The following HMCN1 variants were observed in gnomAD, a reference collection of about 807,000 sequenced individuals.
HMCN1 encodes the protein hemicentin-1.
In HMCN1, 321 loss-of-function variants were observed where a neutral mutation model predicts 625.9. The ratio of observed to expected loss-of-function variants is 0.51; its 90% CI spans 0.47 to 0.56. The LOEUF (loss-of-function observed/expected upper bound fraction) is 0.56, where lower values mean the gene tolerates loss of function less well. HMCN1 is among the 20% of genes least tolerant of loss of function. The pLI, the probability that HMCN1 is intolerant of heterozygous loss-of-function variation, is 0.00. For synonymous variants in HMCN1, 2,425 were observed against 2,417.6 expected (o/e 1.00, Z -0.09); for missense variants, 6,588 against 6,887.3 (o/e 0.96, Z 1.54).
chr1:186,070,093 C>G (rs966636166), intron 51 of HMCN1, among the ~76,000 whole-genome samples: 3 of 152,154 alleles, frequency 2.0e-5, no homozygotes, highest in Admixed American at 6.5e-5. Context: ...ACAAAACTGT[C>G]GTTAGATGCA....
rs1460710221 is a variant in HMCN1, at chr1:186,001,351, A to G, written c.4123A>G (p.Asn1375Asp). The change falls in exon 27 of 107, where the codon AAT becomes GAT. Residue 1375 changes from asparagine to aspartate, a missense_variant. Physicochemically the swap from Asn to Asp is conservative, Grantham distance 23. Transcript: ENST00000271588. ...EQVTNVSVLLNQLTNLFCEVE... is the reference protein window; with the variant it reads ...EQVTNVSVLLDQLTNLFCEVE... ...AGTTACAAATGTGTCGGTGTTGTTAAATCAGCTGACCAATCTCTTCTGTGA... is the reference window on the plus strand; with the variant it reads ...AGTTACAAATGTGTCGGTGTTGTTAGATCAGCTGACCAATCTCTTCTGTGA... 1 of 1,612,078 alleles carries G rather than the reference A, an allele frequency of 6.2e-7. No individual in the cohort carries two copies.
In HMCN1 at chr1:186,019,491, C is replaced by T. The variant is rs74134286; in HGVS notation, c.5471-50C>T. ...GTTCTTGCATACATATTTTTAAGTT[C>T]GACCTCACTGATTATGGTTTCATTC... On this transcript the variant is annotated intron_variant, in intron 34 of 106. Coordinates refer to ENST00000271588, the MANE Select transcript of HMCN1 (RefSeq NM_031935.3). 5.1e-3 allele frequency: 7,119 copies of T among 1,390,822 alleles called. 254 individuals carry two copies. The African/African-American group carries it at 0.086, about 17-fold the overall frequency. 86.2% of individuals were successfully genotyped at this position (1,390,822 alleles called of 1,614,324 possible). A position where few individuals can be genotyped will look rare whatever the true frequency, so the allele number is the denominator to read the frequency against.
At chr1:185,891,885 G>A (rs1468331365) in intron 4 of HMCN1, among the ~76,000 whole-genome samples, 2 of 147,782 alleles carry the variant, frequency 1.4e-5, no homozygotes, top group Non-Finnish European at 2.9e-5. Flanking sequence ...AAATTCTCCA[G>A]GATAATACCC....
At chr1:186,078,422 TAAATG>T in intron 55 of HMCN1, among the ~76,000 whole-genome samples, 1 of 152,228 alleles carries the variant, frequency 6.6e-6, no homozygotes, top group African/African-American at 2.4e-5. Flanking sequence ...CAAACTGACT[TAAATG>T]AAAACAAACA....
At chr1:186,151,379 A>AAACTT in intron 94 of HMCN1, 30 bp downstream of exon 94, 1 of 1,591,240 alleles carries the variant, frequency 6.3e-7, no homozygotes. Context: ...CTCTTTTTAA[A>AAACTT]AACTTATATA....
In HMCN1 at chr1:186,087,556, A is replaced by C; in HGVS notation, c.9274A>C (p.Thr3092Pro). The C allele has an allele frequency of 6.2e-7, 1 of 1,613,272 alleles. No homozygotes were observed. Among genetic ancestry groups the C allele is most frequent in the South Asian group, 1.1e-5 (1 of 91,072 alleles). The change falls in exon 60 of 107, where the codon ACT (threonine) becomes CCT (proline). Residue 3092 changes from threonine to proline, a missense_variant. Around this residue, in one of 3 missense-constraint regions of HMCN1, gnomAD observed 4,628 missense variants for 4,853.1 expected, o/e 0.95. Transcript: ENST00000271588. ...ESNAVPPPVITWYKNGRMITE... is the reference protein window; with the variant it reads ...ESNAVPPPVIPWYKNGRMITE... ...GAACGCTGTGCCACCTCCAGTCATC[A>C]CTTGGTATAAGAATGGGCGGATGAT...
chr1:186,152,324 T>C (rs1238629980), intron 95 of HMCN1, among the ~76,000 whole-genome samples: 1 of 152,186 alleles, frequency 6.6e-6, no homozygotes, highest in African/African-American at 2.4e-5. Flanking sequence ...TTATCTTTAA[T>C]CAACATTTAA....
chr1:185,917,332 T>C (rs1666765478), intron 6 of HMCN1, among the ~76,000 whole-genome samples: 2 of 152,182 alleles, frequency 1.3e-5, no homozygotes, highest in Non-Finnish European at 2.9e-5. Context: ...AGAAATTATG[T>C]TATTCTAAAA....
At position 186,171,430 on chromosome 1, in the gene HMCN1, T is replaced by C. The variant is rs1343867140; in HGVS notation, c.15668T>C (p.Leu5223Pro). The change falls in exon 101 of 107, where the codon CTC becomes CCC. Residue 5223 changes from leucine (L) to proline (P), a missense_variant. Coordinates refer to ENST00000271588, the MANE Select transcript of HMCN1 (RefSeq NM_031935.3). ...TGTGGATGTGAACCTGGGTATCAGC[T>C]CAAAGGCAGAAAATGCATGGGTAAG... ...FHCGCEPGYQ[L>P]KGRKCMDVNE... The C allele has an allele frequency of 6.2e-7, 1 of 1,612,978 alleles. No individual in the cohort carries two copies. The highest frequency in any genetic ancestry group is 1.7e-5 in the Admixed American group (1 of 59,988).
chr1:185,762,977 G>A (rs377716432), intron 1 of HMCN1, among the ~76,000 whole-genome samples: 6 of 151,878 alleles, frequency 4.0e-5, no homozygotes, highest in Admixed American at 2.0e-4. Flanking sequence ...CTTTATACTC[G>A]CAGCTATCAT....
rs953817214 is a variant in HMCN1, at chr1:186,123,060, T to G, written c.12339T>G (p.His4113Gln). The G allele has an allele frequency of 1.2e-6, 2 of 1,614,132 alleles. No individual in the cohort carries two copies. The highest frequency in any genetic ancestry group is 8.5e-7 in the Non-Finnish European group (1 of 1,179,994). Residue 4113 changes from histidine (H) to glutamine (Q), a missense_variant, in exon 81 of 107, where the codon CAT becomes CAG. Transcript: ENST00000271588. ...TCCCTCCGCCTGACATTACATGGCA[T>G]AAAGATGGGCGTGCAATTGTGGAAT... ...DGLPPPDITW[H>Q]KDGRAIVESI...
In HMCN1 at chr1:186,070,651, G is replaced by A. The variant is rs577435610; in HGVS notation, c.8033G>A (p.Gly2678Asp). The A allele has an allele frequency of 1.9e-6, 3 of 1,613,078 alleles. No individual in the cohort carries two copies. Among genetic ancestry groups the A allele is most frequent in the Non-Finnish European group, 1.7e-6 (2 of 1,179,092 alleles). Reference protein sequence around the residue: ...IINKGDLWGPGLSPKEVKIKV... With the variant: ...IINKGDLWGPDLSPKEVKIKV... ...AATAAAGGGGACCTTTGGGGGCCAG[G>A]TCTTTCCCCTAAAGAAGTGAAGATC... is the stretch of plus-strand genomic sequence containing the variant. Residue 2678 changes from glycine to aspartate, a missense_variant, in exon 52 of 107, where the codon GGT becomes GAT. By Grantham distance (94) the Gly-to-Asp change is moderately conservative. This residue lies in a region of HMCN1 where 4,628 missense variants were observed against 4,853.1 expected (regional missense o/e 0.95). Coordinates refer to ENST00000271588, the MANE Select transcript of HMCN1 (RefSeq NM_031935.3).
rs779304400 is a variant in HMCN1, at chr1:185,909,409, G to T, written c.694G>T (p.Ala232Ser). 3.1e-6 allele frequency: 5 copies of T among 1,613,272 alleles called. No individual in the cohort carries two copies. In the East Asian group the frequency reaches 1.1e-4, roughly 36 times the overall value. Residue 232 changes from alanine to serine, a missense_variant, in exon 5 of 107, where the codon GCT becomes TCT. By Grantham distance (99) the Ala-to-Ser change is moderately conservative (BLOSUM62 1). Around this residue, in one of 3 missense-constraint regions of HMCN1, gnomAD observed 4,628 missense variants for 4,853.1 expected, o/e 0.95. Transcript: ENST00000271588. The part of the protein sequence containing the change: ...HLLSTDHLEQ[A>S]VNTWRIPFDP... The stretch of plus-strand genomic sequence containing the variant: ...TTTATCCACAGATCATTTGGAACAG[G>T]CTGTAAATACTTGGAGAATTCCTTT...
chr1:186,158,509 C>A (rs1651194377), intron 97 of HMCN1, among the ~76,000 whole-genome samples: 1 of 152,200 alleles, frequency 6.6e-6, no homozygotes, highest in Non-Finnish European at 1.5e-5. Flanking sequence ...AAGTCCTTGC[C>A]TGTGCTTATG....
intron 48 of HMCN1, among the ~76,000 whole-genome samples, chr1:186,063,449 A>AGAAGGAAGGAAGGAAG (rs71798893): frequency 1.4e-4 from 15 of 104,292 alleles, no homozygotes; most frequent in South Asian, 4.4e-4. Flanking sequence ...GGACGGAGAG[A>AGAAGGAAGGAAGGAAG]GAAGGAAGGA....
At chr1:186,162,699 G>T (rs1297692263) in intron 97 of HMCN1, among the ~76,000 whole-genome samples, 1 of 152,190 alleles carries the variant, frequency 6.6e-6, no homozygotes, top group Non-Finnish European at 1.5e-5. Flanking sequence ...GTTTGCCTGG[G>T]TATCAGCAGA....
At position 186,189,905 on chromosome 1, in the gene HMCN1, A is replaced by G. The variant is rs1241081597; in HGVS notation, c.*27A>G. 1.2e-6 allele frequency: 2 copies of G among 1,611,264 alleles called. No homozygotes were observed. The highest frequency in any genetic ancestry group is 1.3e-5 in the African/African-American group (1 of 74,834). On this transcript the variant is annotated 3_prime_UTR_variant, in exon 107 of 107. Coordinates refer to ENST00000271588, the MANE Select transcript of HMCN1 (RefSeq NM_031935.3). ...GAACTCTCCAAAGCCTATTCCACAT[A>G]TTTAAACCGCATTAATCATGGCAAT...
At chr1:185,777,062 A>G (rs1430875598) in intron 1 of HMCN1, among the ~76,000 whole-genome samples, 1 of 152,236 alleles carries the variant, frequency 6.6e-6, no homozygotes, top group Non-Finnish European at 1.5e-5. Flanking sequence ...AGATCCATAC[A>G]GGACAATATT....
chr1:185,744,474 A>T (rs1271030353), intron 1 of HMCN1, among the ~76,000 whole-genome samples: 2 of 152,222 alleles, frequency 1.3e-5, no homozygotes, highest in Non-Finnish European at 2.9e-5. Flanking sequence ...GAATCTAAAA[A>T]GTCAAAGATA....
Sources: allele counts gnomAD v4.1 joint callset (sites outside exome capture counted in the v4.1 genomes callset), GRCh38; gene constraint gnomAD v4.1.1; regional missense constraint gnomAD v4.1.1; transcripts MANE v1.5; gene names NCBI Gene and HGNC (gene_info 2026-07-23, HGNC 2026-07-21).